ENOX1: variants seen among roughly 807,000 people sequenced by gnomAD.
ENOX1 encodes the protein candidate growth-related and time keeping constitutive hydroquinone (NADH) oxidase.
Under a neutral mutation model 82.5 loss-of-function variants are expected in ENOX1, and 42 were observed. The ratio of observed to expected loss-of-function variants is 0.51; its 90% CI spans 0.40 to 0.66. The LOEUF is 0.66. Ranked by LOEUF, ENOX1 falls within the 30% of genes least tolerant of loss-of-function variation. ENOX1 has a pLI of 0.00. For missense variants in ENOX1, 608 were observed against 811.6 expected, an observed-to-expected ratio of 0.75 and a Z score of 3.05; for synonymous variants, 271 against 282.2, an observed-to-expected ratio of 0.96 and a Z score of 0.40.
intron 1 of ENOX1, among the ~76,000 whole-genome samples, chr13:43,674,959 C>T (rs927347351): frequency 3.3e-5 from 5 of 152,074 alleles, no homozygotes; most frequent in African/African-American, 7.2e-5. Context: ...GCTGAAGAAC[C>T]GAAAGGCCCA....
intron 1 of ENOX1, among the ~76,000 whole-genome samples, chr13:43,673,433 G>A (rs943534633): frequency 3.3e-5 from 5 of 152,068 alleles, no homozygotes; most frequent in Admixed American, 2.0e-4. Context: ...GCCTCTATAA[G>A]AGATCACCAC....
At chr13:43,431,895 T>A (rs930532104) in intron 3 of ENOX1, among the ~76,000 whole-genome samples, 1 of 152,114 alleles carries the variant, frequency 6.6e-6, no homozygotes, top group Non-Finnish European at 1.5e-5. Flanking sequence ...TCCCAGACCC[T>A]CGAACACCTC....
At position 43,754,051 on chromosome 13, in the gene ENOX1, T is replaced by TATATAC. The variant is rs71099849; in HGVS notation, c.-285+32600_-285+32601insGTATAT. On this transcript the variant is annotated intron_variant, in intron 1 of 16. Transcript: ENST00000690772. Reference sequence around the variant, plus strand: ...ACATATATATGTATATAAATACACATATATATACATATATACGTATATAAA... The same window carrying TATATAC: ...ACATATATATGTATATAAATACACATATATACATATATACATATATACGTATATAAA... Among the ~76,000 whole-genome samples, 10 of 117,744 alleles carry TATATAC rather than the reference T, an allele frequency of 8.5e-5. 1 individual carries two copies. Among genetic ancestry groups the TATATAC allele is most frequent in the Admixed American group, 1.7e-4 (2 of 12,110 alleles). The allele number at this position is 117,744 out of a possible 152,430, so 77.2% of individuals were successfully genotyped here.
chr13:43,670,591 T>C (rs1215965837), intron 1 of ENOX1, among the ~76,000 whole-genome samples: 1 of 152,094 alleles, frequency 6.6e-6, no homozygotes, highest in African/African-American at 2.4e-5. Context: ...CGGTGGCTCA[T>C]GCCTGTAATC....
chr13:43,462,609 A>C (rs2057537698), intron 3 of ENOX1, among the ~76,000 whole-genome samples: 1 of 152,250 alleles, frequency 6.6e-6, no homozygotes, highest in Non-Finnish European at 1.5e-5. Flanking sequence ...TTATTACTAC[A>C]TTTTCTGTTA....
At chr13:43,440,939 G>A (rs2056325201) in intron 3 of ENOX1, among the ~76,000 whole-genome samples, 1 of 152,144 alleles carries the variant, frequency 6.6e-6, no homozygotes, top group Non-Finnish European at 1.5e-5. Flanking sequence ...TGATACACTT[G>A]AGAAGGTTAC....
intron 12 of ENOX1, among the ~76,000 whole-genome samples, chr13:43,291,991 C>A (rs1436649782): frequency 1.3e-5 from 2 of 152,130 alleles, no homozygotes; most frequent in Admixed American, 6.5e-5. Flanking sequence ...CAGCAATGAG[C>A]AAAGCCACAG....
chr13:43,262,673 C>T (rs948515068), intron 14 of ENOX1, among the ~76,000 whole-genome samples: 7 of 152,070 alleles, frequency 4.6e-5, no homozygotes, highest in South Asian at 4.2e-4. Flanking sequence ...ACTACAGGTG[C>T]GCCATGTTGC....
At chr13:43,337,305 G>T (rs2048770393) in intron 9 of ENOX1, among the ~76,000 whole-genome samples, 1 of 152,198 alleles carries the variant, frequency 6.6e-6, no homozygotes, top group Non-Finnish European at 1.5e-5. Flanking sequence ...GTAGAAAAGA[G>T]AACAGTAAGT....
intron 12 of ENOX1, among the ~76,000 whole-genome samples, chr13:43,273,141 C>G (rs562977225): frequency 6.6e-6 from 1 of 152,292 alleles, no homozygotes; most frequent in South Asian, 2.1e-4. Context: ...AGCACACCTA[C>G]CCTTCCCACC....
intron 1 of ENOX1, among the ~76,000 whole-genome samples, chr13:43,744,330 G>A (rs564232995): frequency 6.6e-6 from 1 of 152,226 alleles, no homozygotes; most frequent in South Asian, 2.1e-4. Flanking sequence ...AAAGAGTTCA[G>A]TTCAAGACCC....
intron 10 of ENOX1, among the ~76,000 whole-genome samples, chr13:43,324,324 T>C (rs773548799): frequency 6.6e-5 from 10 of 152,270 alleles, no homozygotes; most frequent in Admixed American, 1.3e-4. Flanking sequence ...GTAGTTGTTC[T>C]TGTGGGAAAG....
At chr13:43,722,642 C>T (rs1204277174) in intron 1 of ENOX1, among the ~76,000 whole-genome samples, 1 of 152,036 alleles carries the variant, frequency 6.6e-6, no homozygotes, top group Non-Finnish European at 1.5e-5. Context: ...ATGACAGGGA[C>T]TTTACATACA....
intron 2 of ENOX1, chr13:43,546,961 T>C (rs2153697429): frequency 6.6e-6 from 1 of 152,350 alleles, no homozygotes; most frequent in Middle Eastern, 3.4e-3. Flanking sequence ...CAGACATGGA[T>C]AACGCAGGCA....
chr13:43,673,547 T>A (rs2085367067), intron 1 of ENOX1, among the ~76,000 whole-genome samples: 2 of 152,256 alleles, frequency 1.3e-5, no homozygotes, highest in Admixed American at 6.5e-5. Flanking sequence ...TTCACTTGGT[T>A]TGGCCTCTCT....
chr13:43,444,160 T>TA (rs2056505131), intron 3 of ENOX1, among the ~76,000 whole-genome samples: 1 of 152,172 alleles, frequency 6.6e-6, no homozygotes, highest in Non-Finnish European at 1.5e-5. Context: ...CAGACTGCAA[T>TA]AGCACCCCTT....
chr13:43,602,537 T>A (rs1413204797), intron 2 of ENOX1, among the ~76,000 whole-genome samples: 1 of 152,142 alleles, frequency 6.6e-6, no homozygotes, highest in Non-Finnish European at 1.5e-5. Flanking sequence ...TTTTAATGAA[T>A]ATGCCCAGCA....
At chr13:43,384,875 T>C (rs2052306490) in intron 5 of ENOX1, among the ~76,000 whole-genome samples, 1 of 152,206 alleles carries the variant, frequency 6.6e-6, no homozygotes, top group Admixed American at 6.5e-5. Flanking sequence ...CAGGATAATA[T>C]ACTTGAAAGG....
chr13:43,589,611 T>A (rs554455732), intron 2 of ENOX1, among the ~76,000 whole-genome samples: 8 of 113,488 alleles, frequency 7.0e-5, no homozygotes, highest in African/African-American at 2.5e-4. Flanking sequence ...CTCAAGCAAT[T>A]CTCCCACCTC....
Sources: allele counts gnomAD v4.1 joint callset (sites outside exome capture counted in the v4.1 genomes callset), GRCh38; gene constraint gnomAD v4.1.1; transcripts MANE v1.5; gene names NCBI Gene and HGNC (gene_info 2026-07-23, HGNC 2026-07-21).